Variants in SCUBE1 observed in about 807,000 individuals in gnomAD.
SCUBE1 encodes signal peptide, CUB and EGF-like domain-containing protein 1.
In SCUBE1, 59 loss-of-function variants were observed where a neutral mutation model predicts 124.4. The observed-to-expected ratio is 0.47, with a 90% CI of 0.38 to 0.59. SCUBE1 has a LOEUF of 0.59. SCUBE1 is among the 20% of genes least tolerant of loss of function. The pLI is 0.00. For missense variants in SCUBE1, 1,150 were observed against 1,371.2 expected, an observed-to-expected ratio of 0.84 and a Z score of 2.55; for synonymous variants, 545 against 550.9, an observed-to-expected ratio of 0.99 and a Z score of 0.15.
chr22:43,265,295 A>AAGGACACTT (rs1406587800), intron 4 of SCUBE1, among the ~76,000 whole-genome samples: 1 of 152,174 alleles, frequency 6.6e-6, no homozygotes, highest in African/African-American at 2.4e-5. Flanking sequence ...TTTCTTGGTG[A>AAGGACACTT]AGGACACTTT....
In SCUBE1 at chr22:43,298,074, G is replaced by A. The variant is rs987891588; in HGVS notation, c.350-6894C>T. Among the ~76,000 whole-genome samples the A allele has an allele frequency of 5.3e-5, 8 of 152,248 alleles. 1 individual carries two copies. In the South Asian group the frequency reaches 1.0e-3, roughly 20 times the overall value. ...GCCTGCCGGCTCCTTTCAGAAGGGC[G>A]GCTTAGGCAGAAAAGCCTCTTGGCT... On this transcript the variant is annotated intron_variant, in intron 3 of 21. Coordinates refer to ENST00000360835, the MANE Select transcript of SCUBE1 (RefSeq NM_173050.5).
rs191771019 is a variant in SCUBE1 at position 43,204,348 on chromosome 22, T to C, written c.2815-199A>G. On this transcript the variant is annotated intron_variant, in intron 21 of 21. Coordinates refer to ENST00000360835, the MANE Select transcript of SCUBE1 (RefSeq NM_173050.5). ...GACAGTCTTGCCCTGTCACCCAGGC[T>C]GGAGTGCAGTGGCGGGATCTTGGGT... Among the ~76,000 whole-genome samples the C allele has an allele frequency of 1.5e-3, 234 of 152,232 alleles. 1 individual carries two copies. The highest frequency in any genetic ancestry group is 5.3e-3 in the African/African-American group (221 of 41,558).
intron 4 of SCUBE1, among the ~76,000 whole-genome samples, chr22:43,265,212 C>T (rs971770823): frequency 2.6e-5 from 4 of 152,298 alleles, no homozygotes; most frequent in Admixed American, 2.0e-4. Context: ...TCTCCCTCGT[C>T]GTGGACTTGC....
In SCUBE1 at chr22:43,198,204, T is replaced by C. The variant is rs1038225919; in HGVS notation, c.*5793A>G. ...AGCCTGGCACCCAGTGGGCACTGAG[T>C]GAGCGTCAGCTTCCCCACCTTTCCC... On this transcript the variant is annotated 3_prime_UTR_variant, in exon 22 of 22. Coordinates refer to ENST00000360835, the MANE Select transcript of SCUBE1 (RefSeq NM_173050.5). 13 of 277,284 alleles carry C rather than the reference T, an allele frequency of 4.7e-5. No homozygotes were observed. Among genetic ancestry groups the C allele is most frequent in the Non-Finnish European group, 7.2e-5 (10 of 139,614 alleles). 17.2% of individuals were successfully genotyped at this position (277,284 alleles called of 1,614,324 possible). A position where few individuals can be genotyped will look rare whatever the true frequency, so the allele number is the denominator to read the frequency against.
intron 11 of SCUBE1, 21 bp from the exon 12 acceptor site, chr22:43,222,763 G>A (rs1351610680): frequency 2.6e-6 from 4 of 1,564,632 alleles, no homozygotes; most frequent in Non-Finnish European, 3.5e-6. Flanking sequence ...GCCGGTGGGT[G>A]AGGTGGGCCT....
At chr22:43,279,725 C>T (rs1304756048) in intron 4 of SCUBE1, among the ~76,000 whole-genome samples, 3 of 152,202 alleles carry the variant, frequency 2.0e-5, no homozygotes, top group South Asian at 2.1e-4. Context: ...CTGTCACAGC[C>T]CTCCACGCAC....
chr22:43,280,728 AC>A, intron 4 of SCUBE1, among the ~76,000 whole-genome samples: 1 of 145,644 alleles, frequency 6.9e-6, no homozygotes, highest in Admixed American at 6.7e-5. Flanking sequence ...CCCTCCTGTC[AC>A]CTTCCTCCTC....
At chr22:43,239,710 G>A (rs1201652243) in intron 6 of SCUBE1, among the ~76,000 whole-genome samples, 1 of 152,226 alleles carries the variant, frequency 6.6e-6, no homozygotes, top group Admixed American at 6.5e-5. Flanking sequence ...TCCAGCCCTT[G>A]GGTCTCTGCC....
chr22:43,277,579 T>C (rs1262450411), intron 4 of SCUBE1, among the ~76,000 whole-genome samples: 1 of 152,228 alleles, frequency 6.6e-6, no homozygotes, highest in Non-Finnish European at 1.5e-5. Flanking sequence ...TGGGCCTGGG[T>C]GCAAATCTTG....
At chr22:43,297,931 C>T (rs993782582) in intron 3 of SCUBE1, among the ~76,000 whole-genome samples, 1 of 152,198 alleles carries the variant, frequency 6.6e-6, no homozygotes, top group Non-Finnish European at 1.5e-5. Context: ...CTCCGGTGTC[C>T]CAGCTCCCAC....
At chr22:43,236,095 T>C (rs1039978179) in intron 7 of SCUBE1, among the ~76,000 whole-genome samples, 4 of 152,210 alleles carry the variant, frequency 2.6e-5, no homozygotes, top group East Asian at 1.9e-4. Context: ...TCAGAAAACG[T>C]GGAGCCTTTG....
chr22:43,330,566 A>G (rs1018730724), intron 2 of SCUBE1, among the ~76,000 whole-genome samples: 3 of 152,248 alleles, frequency 2.0e-5, no homozygotes, highest in Non-Finnish European at 4.4e-5. Flanking sequence ...ACCAAGCTTG[A>G]CACAGAGTAG....
chr22:43,329,124 C>G (rs986216773), intron 2 of SCUBE1, among the ~76,000 whole-genome samples: 3 of 152,252 alleles, frequency 2.0e-5, no homozygotes, highest in African/African-American at 7.2e-5. Flanking sequence ...TGTCCTGGGC[C>G]AGGCCCCTTG....
chr22:43,303,303 A>C (rs919093833), intron 3 of SCUBE1, among the ~76,000 whole-genome samples: 2 of 152,152 alleles, frequency 1.3e-5, no homozygotes, highest in Non-Finnish European at 2.9e-5. Context: ...CGTCCTTGGC[A>C]CACGCCAGGC....
intron 4 of SCUBE1, among the ~76,000 whole-genome samples, chr22:43,271,850 T>C (rs1924305910): frequency 6.6e-6 from 1 of 152,150 alleles, no homozygotes; most frequent in African/African-American, 2.4e-5. Flanking sequence ...CACAGTGGGC[T>C]CTTTGCAAAC....
intron 4 of SCUBE1, among the ~76,000 whole-genome samples, chr22:43,263,621 G>A (rs1458734572): frequency 6.6e-6 from 1 of 152,150 alleles, no homozygotes; most frequent in Non-Finnish European, 1.5e-5. Context: ...TCCTGACCCC[G>A]TCCACTTTAA....
At chr22:43,223,593 C>T (rs1411540768) in intron 10 of SCUBE1, among the ~76,000 whole-genome samples, 2 of 152,140 alleles carry the variant, frequency 1.3e-5, no homozygotes, top group Admixed American at 6.5e-5. Context: ...GGGGATCGCT[C>T]GGAAGCACCT....
At chr22:43,323,610 A>G (rs1366271130) in intron 2 of SCUBE1, among the ~76,000 whole-genome samples, 1 of 151,506 alleles carries the variant, frequency 6.6e-6, no homozygotes, top group Admixed American at 6.6e-5. Flanking sequence ...CCATCCATCC[A>G]TCCATCCATC....
intron 2 of SCUBE1, among the ~76,000 whole-genome samples, chr22:43,324,355 G>A (rs951399457): frequency 9.2e-5 from 14 of 152,298 alleles, no homozygotes; most frequent in African/African-American, 3.1e-4. Flanking sequence ...GATATTTGCT[G>A]CTTGCATTTC....
Sources: gnomAD v4.1 joint callset for allele counts (sites outside exome capture counted in the v4.1 genomes callset) on GRCh38, gnomAD v4.1.1 for gene constraint, MANE v1.5 for transcripts, NCBI Gene and HGNC (gene_info 2026-07-23, HGNC 2026-07-21) for gene names.